The following HYAL4 variants were observed in gnomAD, a reference collection of about 807,000 sequenced individuals.
The protein encoded by HYAL4 is hyaluronidase 4.
In HYAL4, 37 loss-of-function variants were observed where a neutral mutation model predicts 35.2. The observed-to-expected ratio is 1.05, with a 90% CI of 0.81 to 1.38. The LOEUF is 1.38. Ranked by LOEUF, HYAL4 falls within the 40% of genes most tolerant of loss-of-function variation. The pLI is 0.00. For missense variants in HYAL4, 572 were observed against 572.4 expected (o/e 1.00, Z 0.01); for synonymous variants, 198 against 203.2 (o/e 0.97, Z 0.22).
chr7:123,839,774 A>G (rs1265622336), intron 1 of HYAL4, among the ~76,000 whole-genome samples: 1 of 152,172 alleles, frequency 6.6e-6, no homozygotes, highest in African/African-American at 2.4e-5. Flanking sequence ...ATGGCTGCAT[A>G]GATATCTTCT....
chr7:123,854,862 C>T (rs1806395922), intron 2 of HYAL4, among the ~76,000 whole-genome samples: 1 of 152,124 alleles, frequency 6.6e-6, no homozygotes, highest in Admixed American at 6.5e-5. Flanking sequence ...GTCTATGTCT[C>T]TTTGTAAGTC....
At chr7:123,835,783 T>A (rs1033338448) in intron 1 of HYAL4, among the ~76,000 whole-genome samples, 7 of 152,188 alleles carry the variant, frequency 4.6e-5, no homozygotes, top group African/African-American at 1.7e-4. Flanking sequence ...GTGTCACTAT[T>A]GCCATTCGGT....
At chr7:123,830,568 TA>T (rs1443039829) in intron 1 of HYAL4, among the ~76,000 whole-genome samples, 1 of 152,210 alleles carries the variant, frequency 6.6e-6, no homozygotes, top group Middle Eastern at 3.2e-3. Flanking sequence ...TATCTGGACA[TA>T]AACTTTTTCA....
intron 2 of HYAL4, among the ~76,000 whole-genome samples, chr7:123,867,499 G>A (rs889091950): frequency 3.3e-5 from 5 of 151,932 alleles, no homozygotes; most frequent in Admixed American, 2.6e-4. Flanking sequence ...ACCGAGAAAG[G>A]AACCCAGATA....
intron 3 of HYAL4, 64 bp from the exon 4 acceptor site, chr7:123,874,697 G>A (rs896872901): frequency 1.3e-5 from 13 of 998,844 alleles, no homozygotes; most frequent in South Asian, 6.6e-5. Flanking sequence ...GAGCCACCGC[G>A]CCCAGCCCCT....
At chr7:123,793,929 GAA>G in the HYAL4 span, among the ~76,000 whole-genome samples, 1 of 152,144 alleles carries the variant, frequency 6.6e-6, no homozygotes, top group Non-Finnish European at 1.5e-5. Context: ...GGAAAATTTG[GAA>G]AAGTTTGGAA....
At chr7:123,768,308 G>C in the HYAL4 span, among the ~76,000 whole-genome samples, 5 of 152,098 alleles carry the variant, frequency 3.3e-5, no homozygotes, top group Non-Finnish European at 5.9e-5. Context: ...TAAGCAACCT[G>C]TTCTCACTTT....
intron 1 of HYAL4, among the ~76,000 whole-genome samples, chr7:123,831,882 A>G (rs1805888410): frequency 6.6e-6 from 1 of 152,194 alleles, no homozygotes; most frequent in South Asian, 2.1e-4. Flanking sequence ...AACCCCTCAT[A>G]ATTATCAAAA....
At chr7:123,813,781 T>TA in the HYAL4 span, among the ~76,000 whole-genome samples, 1 of 152,196 alleles carries the variant, frequency 6.6e-6, no homozygotes, top group Non-Finnish European at 1.5e-5. Flanking sequence ...AATAAGGAGA[T>TA]ATGACAATCC....
chr7:123,876,046 T>G (rs1227839160), intron 4 of HYAL4: 2 of 456,558 alleles, frequency 4.4e-6, no homozygotes, highest in African/African-American at 2.0e-5. Context: ...TCCACCCCAG[T>G]CCCTTGGTGG....
chr7:123,802,618 G>A, the HYAL4 span, among the ~76,000 whole-genome samples: 3 of 150,776 alleles, frequency 2.0e-5, no homozygotes, highest in Non-Finnish European at 1.5e-5. Context: ...TTTTGAAGAC[G>A]TCCCTACAAA....
chr7:123,803,326 G>A, the HYAL4 span, among the ~76,000 whole-genome samples: 5 of 152,062 alleles, frequency 3.3e-5, no homozygotes, highest in East Asian at 1.9e-4. Flanking sequence ...GGGCCACAGC[G>A]ACATCATTTG....
At chr7:123,794,386 A>G in the HYAL4 span, among the ~76,000 whole-genome samples, 1 of 152,202 alleles carries the variant, frequency 6.6e-6, no homozygotes, top group Non-Finnish European at 1.5e-5. Flanking sequence ...CACCAAGACA[A>G]TGGGGAAAAT....
chr7:123,826,977 G>A (rs981200564), upstream of HYAL4, among the ~76,000 whole-genome samples: 7 of 152,116 alleles, frequency 4.6e-5, no homozygotes, highest in African/African-American at 1.7e-4. Context: ...TCTGGGAAGA[G>A]GGTCAGATTA....
At chr7:123,871,221 T>G (rs1021876712) in intron 3 of HYAL4, among the ~76,000 whole-genome samples, 1 of 151,586 alleles carries the variant, frequency 6.6e-6, no homozygotes, top group African/African-American at 2.4e-5. Flanking sequence ...AGATGGAGTT[T>G]CCCTCTGTCT....
At chr7:123,787,107 C>CAAAAAAAAAAAAAAAAAAAAAAAAAAAA in the HYAL4 span, among the ~76,000 whole-genome samples, 1 of 49,148 alleles carries the variant, frequency 2.0e-5, no homozygotes, top group Non-Finnish European at 4.9e-5. Flanking sequence ...AACTCTGTCT[C>CAAAAAAAAAAAAAAAAAAAAAAAAAAAA]AAAAAAAAAA....
At chr7:123,817,528 T>TG in the HYAL4 span, among the ~76,000 whole-genome samples, 1 of 149,832 alleles carries the variant, frequency 6.7e-6, no homozygotes, top group African/African-American at 2.5e-5. Context: ...TTTTTTTTTT[T>TG]GAGATGGAGT....
intron 2 of HYAL4, among the ~76,000 whole-genome samples, chr7:123,852,310 T>C (rs1164618191): frequency 6.6e-6 from 1 of 152,134 alleles, no homozygotes; most frequent in Admixed American, 6.6e-5. Context: ...TGAAGTCTTT[T>C]CCCATGCCTA....
the HYAL4 span, among the ~76,000 whole-genome samples, chr7:123,787,776 G>C: frequency 6.6e-6 from 1 of 152,154 alleles, no homozygotes; most frequent in Non-Finnish European, 1.5e-5. Context: ...GAGAGGAGGA[G>C]GGGCAATTGC....
Sources: allele counts gnomAD v4.1 joint callset (sites outside exome capture counted in the v4.1 genomes callset), GRCh38; gene constraint gnomAD v4.1.1; transcripts MANE v1.5; gene names NCBI Gene and HGNC (gene_info 2026-07-23, HGNC 2026-07-21).